Variants in SOX5 observed in about 807,000 individuals in gnomAD.
SOX5 encodes the protein SRY-box transcription factor 5, also known as transcription factor SOX-5.
Under a neutral mutation model 92.0 loss-of-function variants are expected in SOX5, and 9 were observed. That is an observed-to-expected ratio of 0.10 (90% confidence interval 0.06 to 0.17). The LOEUF (loss-of-function observed/expected upper bound fraction) is 0.17, where lower values mean the gene tolerates loss of function less well. Ranked by LOEUF, SOX5 falls within the 10% of genes least tolerant of loss-of-function variation. The probability of loss-of-function intolerance (pLI) is 1.00; values close to 1 mark genes in which losing one functional copy is unlikely to be tolerated. For synonymous variants in SOX5, 344 were observed against 336.3 expected (o/e 1.02, Z -0.25); for missense variants, 642 against 944.5 (o/e 0.68, Z 4.20).
At chr12:23,842,810 G>A (rs557107698) in intron 3 of SOX5, among the ~76,000 whole-genome samples, 7 of 152,236 alleles carry the variant, frequency 4.6e-5, no homozygotes, top group African/African-American at 1.7e-4. Context: ...CTCCCATGTA[G>A]AAAAATGCAA....
intron 6 of SOX5, among the ~76,000 whole-genome samples, chr12:23,712,787 A>C (rs750452768): frequency 6.6e-6 from 1 of 152,206 alleles, no homozygotes; most frequent in Non-Finnish European, 1.5e-5. Flanking sequence ...TTATATCTAA[A>C]ATAATAAAGC....
Position 23,877,140 on chromosome 12 carries a change from A to AT in SOX5, c.270+18652dup, listed in dbSNP as rs532946655. 7.4e-4 allele frequency among the ~76,000 whole-genome samples: 112 copies of AT among 152,200 alleles called. 1 individual carries two copies. Among genetic ancestry groups the AT allele is most frequent in the Admixed American group, 3.5e-3 (53 of 15,276 alleles). ...CATGTATCCCAGAACTTAAAGTATAATAAAAAAAATAAAACTTTCTCTAAT... is the reference window on the plus strand; with the variant it reads ...CATGTATCCCAGAACTTAAAGTATAATTAAAAAAAATAAAACTTTCTCTAAT... On this transcript the variant is annotated intron_variant, in intron 2 of 14. Coordinates refer to ENST00000451604, the MANE Select transcript of SOX5 (RefSeq NM_006940.6).
At chr12:23,587,477 A>G (rs1290533678) in intron 9 of SOX5, among the ~76,000 whole-genome samples, 1 of 152,134 alleles carries the variant, frequency 6.6e-6, no homozygotes, top group African/African-American at 2.4e-5. Flanking sequence ...TTAAAAAATA[A>G]TTTCTTTGAA....
intron 4 of SOX5, among the ~76,000 whole-genome samples, chr12:23,973,851 C>G (rs191300034): frequency 6.6e-6 from 1 of 152,070 alleles, no homozygotes; most frequent in Non-Finnish European, 1.5e-5. Flanking sequence ...ACTGCACATG[C>G]GAGGGATCTA....
intron 6 of SOX5, among the ~76,000 whole-genome samples, chr12:23,673,183 T>C (rs979554530): frequency 2.6e-5 from 4 of 152,162 alleles, no homozygotes; most frequent in African/African-American, 9.6e-5. Context: ...AATAAATGAA[T>C]TCAAATGGTA....
intron 6 of SOX5, among the ~76,000 whole-genome samples, chr12:23,727,321 AT>A (rs891446087): frequency 6.6e-6 from 1 of 152,172 alleles, no homozygotes; most frequent in African/African-American, 2.4e-5. Context: ...TCCTATATAA[AT>A]ATAACCTCTC....
chr12:23,976,757 C>G (rs78820838), intron 4 of SOX5, among the ~76,000 whole-genome samples: 3 of 151,882 alleles, frequency 2.0e-5, no homozygotes, highest in African/African-American at 7.3e-5. Flanking sequence ...CCGCTGATAA[C>G]TCCCCTTTCA....
intron 4 of SOX5, among the ~76,000 whole-genome samples, chr12:23,969,325 A>AT (rs35951518): frequency 0.071 from 10,735 of 151,626 alleles, 901 homozygotes; most frequent in East Asian, 0.43. Context: ...TCTTCAATCC[A>AT]TTTTTTTTCC....
At chr12:23,991,344 A>C (rs55965705) in intron 4 of SOX5, among the ~76,000 whole-genome samples, 76,882 of 151,006 alleles carry the variant, frequency 0.51, 20,206 homozygotes, top group East Asian at 0.78. Flanking sequence ...ACAACAACAA[A>C]AAAAATATAT....
chr12:23,714,191 T>G (rs11834894), intron 6 of SOX5, among the ~76,000 whole-genome samples: 4,047 of 152,252 alleles, frequency 0.027, 196 homozygotes, highest in African/African-American at 0.092. Context: ...ATGGTATGAA[T>G]GTACAGAATA....
At chr12:24,127,569 C>A (rs1003991407) in intron 4 of SOX5, among the ~76,000 whole-genome samples, 1 of 152,030 alleles carries the variant, frequency 6.6e-6, no homozygotes, top group Non-Finnish European at 1.5e-5. Flanking sequence ...TAAGCTTCTC[C>A]GCCACACTTT....
At chr12:24,495,937 A>C (rs1947590837) in intron 1 of SOX5, among the ~76,000 whole-genome samples, 1 of 152,118 alleles carries the variant, frequency 6.6e-6, no homozygotes, top group Non-Finnish European at 1.5e-5. Flanking sequence ...GTTATAAATC[A>C]CTCCAGATTT....
chr12:23,726,932 G>A (rs1002514264), intron 6 of SOX5, among the ~76,000 whole-genome samples: 2 of 152,050 alleles, frequency 1.3e-5, no homozygotes, highest in Non-Finnish European at 2.9e-5. Flanking sequence ...CCACAGCAAC[G>A]CTAACCAAAG....
chr12:24,535,525 CT>C (rs1294648049), intron 1 of SOX5, among the ~76,000 whole-genome samples: 1 of 152,120 alleles, frequency 6.6e-6, no homozygotes, highest in Admixed American at 6.5e-5. Flanking sequence ...GACAGATTAA[CT>C]TTGCTTGCTT....
intron 2 of SOX5, among the ~76,000 whole-genome samples, chr12:23,864,038 A>G (rs1014766694): frequency 6.6e-6 from 1 of 151,156 alleles, no homozygotes; most frequent in African/African-American, 2.4e-5. Context: ...AAGCAAGTTT[A>G]TTGGGATCAT....
chr12:24,329,166 T>G (rs1252978634), intron 2 of SOX5, among the ~76,000 whole-genome samples: 1 of 152,212 alleles, frequency 6.6e-6, no homozygotes, highest in Non-Finnish European at 1.5e-5. Flanking sequence ...TTCCCATCTT[T>G]TTATTACAAT....
At chr12:23,805,080 C>G (rs2095745862) in intron 3 of SOX5, among the ~76,000 whole-genome samples, 1 of 150,120 alleles carries the variant, frequency 6.7e-6, no homozygotes, top group African/African-American at 2.4e-5. Flanking sequence ...TTAAAAAAAT[C>G]TGTGGAATGA....
intron 1 of SOX5, among the ~76,000 whole-genome samples, chr12:23,928,763 ATTATC>A (rs1211044409): frequency 4.6e-4 from 70 of 151,840 alleles, no homozygotes; most frequent in Non-Finnish European, 4.4e-5. Flanking sequence ...AATTTTGACA[ATTATC>A]TTTAAGCATC....
intron 3 of SOX5, among the ~76,000 whole-genome samples, chr12:23,838,853 G>GA (rs1223621360): frequency 2.1e-5 from 2 of 96,330 alleles, no homozygotes; most frequent in African/African-American, 3.7e-5. Flanking sequence ...TGGGGGGGGG[G>GA]GGCGGGGATG....
Sources: gnomAD v4.1 joint callset for allele counts (sites outside exome capture counted in the v4.1 genomes callset) on GRCh38, gnomAD v4.1.1 for gene constraint, MANE v1.5 for transcripts, NCBI Gene and HGNC (gene_info 2026-07-23, HGNC 2026-07-21) for gene names.